The following CNTN4 variants were observed in gnomAD, a reference collection of about 807,000 sequenced individuals.
CNTN4 encodes the protein contactin 4, also known as contactin-4.
A neutral mutation model predicts 122.5 loss-of-function variants in CNTN4; 77 were observed. That is an observed-to-expected ratio of 0.63 (90% CI 0.52 to 0.76). The LOEUF is 0.76. Ranked by LOEUF, CNTN4 falls within the 30% of genes least tolerant of loss-of-function variation. The pLI, the probability that CNTN4 is intolerant of heterozygous loss-of-function variation, is 0.00. For missense variants in CNTN4, 1,256 were observed against 1,259.1 expected (o/e 1.00, Z 0.04); for synonymous variants, 512 against 447.0 (o/e 1.15, Z -1.83).
intron 2 of CNTN4, among the ~76,000 whole-genome samples, chr3:2,130,891 G>A (rs1574901245): frequency 1.3e-5 from 2 of 152,314 alleles, no homozygotes; most frequent in Non-Finnish European, 2.9e-5. Context: ...CAATGGCCAA[G>A]CATGTTGACA....
intron 4 of CNTN4, among the ~76,000 whole-genome samples, chr3:2,614,704 G>C (rs1378862486): frequency 6.6e-6 from 1 of 152,078 alleles, no homozygotes; most frequent in Non-Finnish European, 1.5e-5. Context: ...GAGAGAGCAG[G>C]CAGAATTGAG....
chr3:2,630,875 G>T (rs1019985643), intron 4 of CNTN4, among the ~76,000 whole-genome samples: 1 of 152,072 alleles, frequency 6.6e-6, no homozygotes, highest in Non-Finnish European at 1.5e-5. Flanking sequence ...GTGAAGACAG[G>T]CATTGTCTGT....
At chr3:2,901,994 A>G (rs1043379883) in intron 11 of CNTN4, among the ~76,000 whole-genome samples, 6 of 152,160 alleles carry the variant, frequency 3.9e-5, no homozygotes, top group Non-Finnish European at 4.4e-5. Flanking sequence ...AGGCAGGTCA[A>G]TTTCTGGGTT....
chr3:2,603,098 G>A (rs1024588357), intron 4 of CNTN4, among the ~76,000 whole-genome samples: 1 of 128,288 alleles, frequency 7.8e-6, no homozygotes, highest in African/African-American at 3.1e-5. Flanking sequence ...ATTTTTCTGT[G>A]CCTCTCAATT....
chr3:2,348,209 A>G (rs543143689), intron 3 of CNTN4, among the ~76,000 whole-genome samples: 2 of 152,168 alleles, frequency 1.3e-5, no homozygotes, highest in East Asian at 1.9e-4. Context: ...CTTGCATTTT[A>G]TAAGTAGAGT....
chr3:2,916,852 C>T (rs1200570777), intron 12 of CNTN4, among the ~76,000 whole-genome samples: 1 of 151,018 alleles, frequency 6.6e-6, no homozygotes, highest in East Asian at 2.0e-4. Flanking sequence ...ACGGGGCAGC[C>T]AGGCAGAGGT....
At chr3:3,046,907 C>T (rs1700722218) in intron 23 of CNTN4, among the ~76,000 whole-genome samples, 1 of 136,992 alleles carries the variant, frequency 7.3e-6, no homozygotes, top group Admixed American at 7.2e-5. Flanking sequence ...CACACATAGG[C>T]TCAAAATAAA....
At chr3:2,981,171 G>A (rs561320429) in intron 13 of CNTN4, among the ~76,000 whole-genome samples, 4 of 152,342 alleles carry the variant, frequency 2.6e-5, no homozygotes, top group Non-Finnish European at 2.9e-5. Flanking sequence ...TGGGCCGGGC[G>A]CGGTGGCTCA....
intron 2 of CNTN4, among the ~76,000 whole-genome samples, chr3:2,239,549 A>G (rs1195035924): frequency 6.6e-6 from 1 of 152,180 alleles, no homozygotes; most frequent in Non-Finnish European, 1.5e-5. Context: ...GATCTTGGGC[A>G]ATTCAGTTTC....
At chr3:3,043,379 G>C in intron 22 of CNTN4, among the ~76,000 whole-genome samples, 1 of 152,142 alleles carries the variant, frequency 6.6e-6, no homozygotes, top group East Asian at 1.9e-4. Context: ...ACTGGGAAGG[G>C]CTACTTCTTT....
At position 2,120,405 on chromosome 3, in the gene CNTN4, A is replaced by AT. The variant is rs57112843; in HGVS notation, c.-145+19783dup. 7.8e-3 allele frequency among the ~76,000 whole-genome samples: 318 copies of AT among 40,866 alleles called. 9 individuals are homozygous for AT. The highest frequency in any genetic ancestry group is 9.0e-3 in the African/African-American group (81 of 9,022). 26.8% of individuals were successfully genotyped at this position (40,866 alleles called of 152,430 possible). On this transcript the variant is annotated intron_variant, in intron 2 of 24. Transcript: ENST00000418658. Reference sequence around the variant, plus strand: ...TATATATATATATATATATATATATATTTTTTTTTTTTTTTTTATGCAGAG... The same window carrying AT: ...TATATATATATATATATATATATATATTTTTTTTTTTTTTTTTTATGCAGAG...
intron 6 of CNTN4, among the ~76,000 whole-genome samples, chr3:2,768,803 CT>C (rs2090967092): frequency 6.6e-6 from 1 of 152,060 alleles, no homozygotes; most frequent in African/African-American, 2.4e-5. Flanking sequence ...TCTGTTTTAT[CT>C]TTTAGTCTTT....
intron 13 of CNTN4, among the ~76,000 whole-genome samples, chr3:2,975,975 A>T (rs1482904879): frequency 1.3e-5 from 2 of 152,244 alleles, no homozygotes; most frequent in South Asian, 4.1e-4. Context: ...ATTAGTGGAA[A>T]CATGGAGATC....
chr3:2,993,560 A>G (rs998439961), intron 14 of CNTN4, among the ~76,000 whole-genome samples: 6 of 152,036 alleles, frequency 3.9e-5, no homozygotes, highest in Admixed American at 1.3e-4. Context: ...TCGGCCTCCC[A>G]AAGTGTTGGG....
intron 2 of CNTN4, among the ~76,000 whole-genome samples, chr3:2,285,167 A>G (rs185766366): frequency 6.6e-6 from 1 of 152,178 alleles, no homozygotes; most frequent in East Asian, 1.9e-4. Flanking sequence ...ACATGTAGAG[A>G]TTGGAGTTCC....
chr3:2,783,828 C>A (rs988348421), intron 6 of CNTN4, among the ~76,000 whole-genome samples: 1 of 152,180 alleles, frequency 6.6e-6, no homozygotes, highest in African/African-American at 2.4e-5. Context: ...TCCTAATCCA[C>A]CAGGTTGACA....
chr3:2,461,927 G>A, intron 3 of CNTN4, among the ~76,000 whole-genome samples: 1 of 152,124 alleles, frequency 6.6e-6, no homozygotes, highest in East Asian at 1.9e-4. Context: ...TTTGTGTTCG[G>A]ATTTGGTGAT....
intron 4 of CNTN4, among the ~76,000 whole-genome samples, chr3:2,616,675 C>T (rs1310890962): frequency 6.6e-6 from 1 of 152,126 alleles, no homozygotes; most frequent in African/African-American, 2.4e-5. Flanking sequence ...GCCATTCTGA[C>T]TGTCATGAGA....
intron 3 of CNTN4, among the ~76,000 whole-genome samples, chr3:2,402,857 C>T (rs756684981): frequency 7.2e-5 from 11 of 152,212 alleles, no homozygotes; most frequent in South Asian, 2.1e-4. Context: ...TTATACCTTA[C>T]GCAGTACAAA....
Sources: gnomAD v4.1 joint callset for allele counts (sites outside exome capture counted in the v4.1 genomes callset) on GRCh38, gnomAD v4.1.1 for gene constraint, MANE v1.5 for transcripts, NCBI Gene and HGNC (gene_info 2026-07-23, HGNC 2026-07-21) for gene names.